Variants in NBAS observed in about 807,000 individuals in gnomAD.
The protein encoded by NBAS is NAG/BC035112 fusion.
Under a neutral mutation model 302.5 loss-of-function variants are expected in NBAS, and 219 were observed. The observed-to-expected ratio is 0.72, with a 90% CI of 0.65 to 0.81. The LOEUF is 0.81. NBAS is among the 30% of genes least tolerant of loss of function. NBAS has a pLI of 0.00. For synonymous variants in NBAS, 1,118 were observed against 1,021.6 expected (o/e 1.09, Z -1.80); for missense variants, 2,932 against 2,841.6 (o/e 1.03, Z -0.72).
the NBAS span, among the ~76,000 whole-genome samples, chr2:14,993,203 T>C: frequency 6.6e-6 from 1 of 152,070 alleles, no homozygotes; most frequent in Non-Finnish European, 1.5e-5. Flanking sequence ...CCCTCCATGC[T>C]CCCCATTTTA....
intron 38 of NBAS, among the ~76,000 whole-genome samples, chr2:15,323,251 G>A (rs1671905000): frequency 6.6e-6 from 1 of 152,160 alleles, no homozygotes; most frequent in Admixed American, 6.5e-5. Flanking sequence ...TAGACACACT[G>A]TACTTTCATC....
chr2:15,169,799 A>G (rs992622653), intron 51 of NBAS, among the ~76,000 whole-genome samples: 1 of 152,206 alleles, frequency 6.6e-6, no homozygotes, highest in African/African-American at 2.4e-5. Flanking sequence ...AAGTGAATGA[A>G]TCACTCCAAA....
intron 29 of NBAS, among the ~76,000 whole-genome samples, chr2:15,382,024 G>T (rs1218571282): frequency 2.0e-5 from 3 of 152,044 alleles, no homozygotes; most frequent in Non-Finnish European, 2.9e-5. Flanking sequence ...TATTTAACAA[G>T]AAAATTCTAA....
intron 44 of NBAS, 116 bp from the exon 45 acceptor site, chr2:15,238,802 T>C (rs1015789954): frequency 2.3e-6 from 2 of 864,576 alleles, no homozygotes; most frequent in Admixed American, 2.9e-5. Context: ...TTTTAACCAA[T>C]AAATAGCACT....
intron 23 of NBAS, among the ~76,000 whole-genome samples, chr2:15,421,284 T>C (rs541622781): frequency 6.6e-6 from 1 of 152,310 alleles, no homozygotes; most frequent in East Asian, 1.9e-4. Context: ...AATTTTGTGA[T>C]CCAAACTAGT....
At chr2:15,237,814 G>T (rs1464377433) in intron 45 of NBAS, among the ~76,000 whole-genome samples, 24 of 137,562 alleles carry the variant, frequency 1.7e-4, no homozygotes, top group Non-Finnish European at 3.2e-4. Flanking sequence ...TCGCTCTGTC[G>T]CCCAGGCTGG....
At chr2:15,213,504 T>C (rs1286238635) in intron 48 of NBAS, among the ~76,000 whole-genome samples, 1 of 152,204 alleles carries the variant, frequency 6.6e-6, no homozygotes, top group Non-Finnish European at 1.5e-5. Flanking sequence ...AAGACTATGC[T>C]TTATGTAGTC....
intron 48 of NBAS, among the ~76,000 whole-genome samples, chr2:15,210,851 T>C (rs1455956470): frequency 6.6e-6 from 1 of 152,192 alleles, no homozygotes; most frequent in African/African-American, 2.4e-5. Context: ...GTCATAATGT[T>C]AAGTGAAATA....
the NBAS span, among the ~76,000 whole-genome samples, chr2:15,032,109 T>C: frequency 2.6e-4 from 40 of 152,312 alleles, no homozygotes; most frequent in African/African-American, 7.9e-4. Flanking sequence ...AAACTAATAC[T>C]GTGTGCTCAG....
At chr2:15,010,806 C>T in the NBAS span, among the ~76,000 whole-genome samples, 1 of 152,178 alleles carries the variant, frequency 6.6e-6, no homozygotes, top group Non-Finnish European at 1.5e-5. Flanking sequence ...AACAAGATTA[C>T]ACATAGTTGA....
At chr2:15,103,492 G>T in the NBAS span, among the ~76,000 whole-genome samples, 1 of 152,052 alleles carries the variant, frequency 6.6e-6, no homozygotes, top group African/African-American at 2.4e-5. Context: ...ACTGTCCTAG[G>T]TTTTTGCTAA....
In NBAS at chr2:15,186,316, T is replaced by G. The variant is rs553841618; in HGVS notation, c.6711+426A>C. On this transcript the variant is annotated intron_variant, in intron 50 of 51. Coordinates refer to ENST00000281513, the MANE Select transcript of NBAS (RefSeq NM_015909.4). ...TCGCAGAGAAAGAATATTGTGATTA[T>G]GCAATCTCGTTACAATGATGTCAAA... Among the ~76,000 whole-genome samples the G allele has an allele frequency of 1.2e-4, 18 of 152,298 alleles. No homozygotes were observed. The South Asian group carries it at 2.5e-3, about 21-fold the overall frequency.
chr2:15,161,957 A>T (rs927553892), downstream of NBAS, among the ~76,000 whole-genome samples: 3 of 152,082 alleles, frequency 2.0e-5, no homozygotes, highest in Non-Finnish European at 4.4e-5. Flanking sequence ...GATGGTCAAT[A>T]CCTATAGTCT....
the NBAS span, among the ~76,000 whole-genome samples, chr2:15,018,121 G>A: frequency 6.6e-6 from 1 of 151,962 alleles, no homozygotes; most frequent in South Asian, 2.1e-4. Flanking sequence ...TAGAACAGAG[G>A]ATACTGAAGA....
the NBAS span, among the ~76,000 whole-genome samples, chr2:15,065,715 C>T: frequency 7.5e-6 from 1 of 132,916 alleles, no homozygotes; most frequent in Non-Finnish European, 1.7e-5. Context: ...AAGAAAACTA[C>T]AACACATTGA....
chr2:15,211,229 T>C (rs1184111731), intron 48 of NBAS, among the ~76,000 whole-genome samples: 1 of 152,106 alleles, frequency 6.6e-6, no homozygotes, highest in Non-Finnish European at 1.5e-5. Flanking sequence ...AGATATCTCA[T>C]GTAACCCAAA....
intron 24 of NBAS, among the ~76,000 whole-genome samples, chr2:15,416,981 G>A (rs934795167): frequency 2.6e-5 from 4 of 152,208 alleles, no homozygotes; most frequent in Middle Eastern, 3.4e-3. Context: ...TAGAAAGAGC[G>A]TTGGCAGCTA....
chr2:15,125,300 C>A, the NBAS span, among the ~76,000 whole-genome samples: 1 of 152,114 alleles, frequency 6.6e-6, no homozygotes, highest in Non-Finnish European at 1.5e-5. Context: ...TCTAGGGGGG[C>A]CTCAAGAAGC....
chr2:15,098,086 TTGTATAC>T, the NBAS span, among the ~76,000 whole-genome samples: 3 of 29,268 alleles, frequency 1.0e-4, 1 homozygote, highest in Non-Finnish European at 1.4e-4. Flanking sequence ...ATATATTATA[TTGTATAC>T]AATATATATT....
Sources: gnomAD v4.1 joint callset for allele counts (sites outside exome capture counted in the v4.1 genomes callset) on GRCh38, gnomAD v4.1.1 for gene constraint, MANE v1.5 for transcripts, NCBI Gene and HGNC (gene_info 2026-07-23, HGNC 2026-07-21) for gene names.